The following CNOT7 variants were observed in gnomAD, a reference collection of about 807,000 sequenced individuals.
CNOT7 encodes CCR4-NOT transcription complex subunit 7.
Under a neutral mutation model 37.1 loss-of-function variants are expected in CNOT7, and 4 were observed. The observed-to-expected ratio is 0.11, with a 90% CI of 0.05 to 0.25. The LOEUF is 0.25. CNOT7 is among the 10% of genes least tolerant of loss of function. The pLI, the probability that CNOT7 is intolerant of heterozygous loss-of-function variation, is 1.00. For synonymous variants in CNOT7, 128 were observed against 115.6 expected (o/e 1.11, Z -0.69); for missense variants, 170 against 336.2 (o/e 0.51, Z 3.87).
chr8:17,242,352 G>C (rs1331142290), intron 3 of CNOT7: 1 of 152,086 alleles, frequency 6.6e-6, no homozygotes, highest in Non-Finnish European at 1.5e-5. Flanking sequence ...ACTTCCCTTA[G>C]CTATCAAGAC....
chr8:17,238,509 CTTT>C (rs75080604), intron 3 of CNOT7, among the ~76,000 whole-genome samples: 9 of 139,392 alleles, frequency 6.5e-5, no homozygotes, highest in Non-Finnish European at 1.3e-4. Flanking sequence ...GAAGTAGTTT[CTTT>C]TTTTTTTTTT....
At chr8:17,231,059 C>CA (rs1259759717) in intron 6 of CNOT7, among the ~76,000 whole-genome samples, 1 of 151,676 alleles carries the variant, frequency 6.6e-6, no homozygotes, top group East Asian at 1.9e-4. Flanking sequence ...AAAGAGACTA[C>CA]AAAAAAAGTG....
intron 4 of CNOT7, 46 bp from the exon 5 acceptor site, chr8:17,234,906 A>G (rs752675626): frequency 2.0e-6 from 3 of 1,535,136 alleles, no homozygotes; most frequent in South Asian, 2.5e-5. Flanking sequence ...TATAAATACT[A>G]TAAAGATTAA....
At chr8:17,236,900 T>C (rs556730781) in intron 4 of CNOT7, among the ~76,000 whole-genome samples, 44 of 152,278 alleles carry the variant, frequency 2.9e-4, no homozygotes, top group African/African-American at 1.0e-3. Flanking sequence ...GGTGTAGAAA[T>C]AGTAAAAGAA....
At chr8:17,241,375 G>A (rs946896369) in intron 3 of CNOT7, 1 of 151,220 alleles carries the variant, frequency 6.6e-6, no homozygotes, top group Non-Finnish European at 1.5e-5. Flanking sequence ...TCCAAATGGA[G>A]AGTATATTAT....
At chr8:17,246,262 A>C (rs1811044260) in intron 1 of CNOT7, 1 of 152,244 alleles carries the variant, frequency 6.6e-6, no homozygotes, top group South Asian at 2.1e-4. Flanking sequence ...GCAGTTTCCC[A>C]GAGAAACGAG....
chr8:17,240,318 T>A (rs558574616), intron 3 of CNOT7, among the ~76,000 whole-genome samples: 2 of 152,088 alleles, frequency 1.3e-5, no homozygotes, highest in South Asian at 4.1e-4. Flanking sequence ...TGTAGCCCAA[T>A]ACAAATTTGT....
At position 17,245,091 on chromosome 8, in the gene CNOT7, T is replaced by C. The variant is rs768140191; in HGVS notation, c.62A>G (p.Asp21Gly). The change falls in exon 2 of 7, where the codon GAT (aspartate) becomes GGT (glycine). Residue 21 changes from aspartate (D) to glycine (G), a missense_variant. By Grantham distance (94) the Asp-to-Gly change is moderately conservative. Coordinates refer to ENST00000361272, the MANE Select transcript of CNOT7 (RefSeq NM_013354.7). ...RICEVWACNLDEEMKKIRQVI... is the reference protein window; with the variant it reads ...RICEVWACNLGEEMKKIRQVI... ...TTGACGAATTTTCTTCATCTCTTCA[T>C]CCAAGTTGCAAGCCCAAACTTCACA... 3.7e-6 allele frequency: 6 copies of C among 1,613,638 alleles called. No individual in the cohort carries two copies. Among genetic ancestry groups the C allele is most frequent in the South Asian group, 1.1e-5 (1 of 91,064 alleles).
intron 3 of CNOT7, 45 bp downstream of exon 3, chr8:17,242,947 G>GAAAAA: frequency 8.8e-7 from 1 of 1,130,926 alleles, no homozygotes; most frequent in Admixed American, 3.3e-5. Context: ...TAAGATTAAA[G>GAAAAA]AAAAAAAAAA....
chr8:17,246,035 TC>T (rs1217574219), intron 1 of CNOT7: 1 of 151,746 alleles, frequency 6.6e-6, no homozygotes, highest in Non-Finnish European at 1.5e-5. Flanking sequence ...CTTCCAATTC[TC>T]CAAGTAGAGA....
At chr8:17,245,717 T>C (rs1041385611) in intron 1 of CNOT7, 7 of 152,100 alleles carry the variant, frequency 4.6e-5, no homozygotes, top group African/African-American at 1.2e-4. Context: ...TTATTCTAAC[T>C]AGACTAGAGG....
intron 3 of CNOT7, among the ~76,000 whole-genome samples, chr8:17,239,378 T>C (rs751159771): frequency 1.3e-5 from 2 of 152,036 alleles, no homozygotes; most frequent in Admixed American, 6.6e-5. Context: ...TGGCACTCTC[T>C]ATCTCCTTCT....
rs566422140 is a variant in CNOT7 at position 17,228,985 on chromosome 8, A to G, written c.*1735T>C. The G allele has an allele frequency of 2.6e-5, 4 of 152,102 alleles. No individual in the cohort carries two copies. The East Asian group carries it at 7.7e-4, about 29-fold the overall frequency. 9.4% of individuals were successfully genotyped at this position (152,102 alleles called of 1,614,324 possible). A position where few individuals can be genotyped will look rare whatever the true frequency, so the allele number is the denominator to read the frequency against. ...CTTTGTGAAGTATATCCTTCGGAATAAATGCATTCCTGGAAAGGAGAAACA... is the reference window on the plus strand; with the variant it reads ...CTTTGTGAAGTATATCCTTCGGAATGAATGCATTCCTGGAAAGGAGAAACA... On this transcript the variant is annotated 3_prime_UTR_variant, in exon 7 of 7. Coordinates refer to ENST00000361272, the MANE Select transcript of CNOT7 (RefSeq NM_013354.7).
chr8:17,236,431 C>G lies in CNOT7; in HGVS notation c.473+781G>C, dbSNP rs193270131. Among the ~76,000 whole-genome samples, 406 of 152,278 alleles carry G rather than the reference C, an allele frequency of 2.7e-3. 3 individuals are homozygous for G. Among genetic ancestry groups the G allele is most frequent in the African/African-American group, 9.3e-3 (385 of 41,548 alleles). Reference sequence around the variant, plus strand: ...AAAACTCTTTTTCATACCTGGAAGTCTATTTCACAAAATCGGAATAGTTTC... The same window carrying G: ...AAAACTCTTTTTCATACCTGGAAGTGTATTTCACAAAATCGGAATAGTTTC... On this transcript the variant is annotated intron_variant, in intron 4 of 6. Transcript: ENST00000361272.
rs897428567 is a variant in CNOT7, at chr8:17,246,732, C to CGGCGGT, written c.-159_-154dup. 9.2e-4 allele frequency: 176 copies of CGGCGGT among 190,842 alleles called. No individual in the cohort carries two copies. The highest frequency in any genetic ancestry group is 2.2e-3 in the Middle Eastern group (1 of 450). The allele number at this position is 190,842 out of a possible 1,614,324, so 11.8% of individuals were successfully genotyped here. Reference sequence around the variant, plus strand: ...TCCTCGCCATAGAGACAGCACTCGGCGGCGGTGGCGGTGGCGGTGGCGGTA... The same window carrying CGGCGGT: ...TCCTCGCCATAGAGACAGCACTCGGCGGCGGTGGCGGTGGCGGTGGCGGTGGCGGTA... On this transcript the variant is annotated 5_prime_UTR_variant, in exon 1 of 7. Transcript: ENST00000361272.
Position 17,234,848 on chromosome 8 carries a change from A to G in CNOT7, c.486T>C (p.Phe162=), listed in dbSNP as rs767654697. ...TGGTTAGGATTTTGATTAAGTAGCCAAAGTCGTAACCGCTATAAAAGGGTT... is the reference window on the plus strand; with the variant it reads ...TGGTTAGGATTTTGATTAAGTAGCCGAAGTCGTAACCGCTATAAAAGGGTT... The part of the protein sequence containing the change: ...KWLSFHSGYD[F]GYLIKILTNS... Residue 162 remains phenylalanine (F), a synonymous_variant, in exon 5 of 7, where the codon TTT becomes TTC. Coordinates refer to ENST00000361272, the MANE Select transcript of CNOT7 (RefSeq NM_013354.7). 126 of 1,613,790 alleles carry G rather than the reference A, an allele frequency of 7.8e-5. No individual in the cohort carries two copies. Among genetic ancestry groups the G allele is most frequent in the Middle Eastern group, 1.7e-4 (1 of 6,048 alleles).
intron 6 of CNOT7, chr8:17,231,878 G>T: frequency 3.0e-6 from 3 of 985,966 alleles, no homozygotes; most frequent in Non-Finnish European, 3.6e-6. Context: ...GGATTTATTT[G>T]ATCCCTTCGG....
chr8:17,238,444 A>G (rs894679561), intron 3 of CNOT7, among the ~76,000 whole-genome samples: 3 of 151,948 alleles, frequency 2.0e-5, no homozygotes, highest in Non-Finnish European at 4.4e-5. Flanking sequence ...ACAATCACGT[A>G]AAAGTCAGTC....
In CNOT7 at chr8:17,230,450, A is replaced by G. The variant is rs558455277; in HGVS notation, c.*270T>C. On this transcript the variant is annotated 3_prime_UTR_variant, in exon 7 of 7. Transcript: ENST00000361272. ...TCGGTAAAGTTTATCAAAATATTCAATGATGTAGCTTTCCCCACTCTCTGT... is the reference window on the plus strand; with the variant it reads ...TCGGTAAAGTTTATCAAAATATTCAGTGATGTAGCTTTCCCCACTCTCTGT... 17 of 225,424 alleles carry G rather than the reference A, an allele frequency of 7.5e-5. No individual in the cohort carries two copies. Among genetic ancestry groups the G allele is most frequent in the African/African-American group, 2.0e-4 (9 of 44,212 alleles). 14.0% of individuals were successfully genotyped at this position (225,424 alleles called of 1,614,324 possible).
Sources: gnomAD v4.1 joint callset for allele counts (sites outside exome capture counted in the v4.1 genomes callset) on GRCh38, gnomAD v4.1.1 for gene constraint, MANE v1.5 for transcripts, NCBI Gene and HGNC (gene_info 2026-07-23, HGNC 2026-07-21) for gene names.